The following RPSA variants were observed in gnomAD, a reference collection of about 807,000 sequenced individuals.
RPSA encodes the protein ribosomal protein SA, also known as small ribosomal subunit protein uS2.
For missense variants in RPSA, 140 were observed against 372.8 expected, an observed-to-expected ratio of 0.38 and a Z score of 5.14; for synonymous variants, 103 against 126.7, an observed-to-expected ratio of 0.81 and a Z score of 1.25.
intron 4 of RPSA, 120 bp from the exon 5 acceptor site, chr3:39,411,529 T>A (rs765937566): frequency 9.7e-7 from 1 of 1,035,490 alleles, no homozygotes; most frequent in Non-Finnish European, 1.4e-6. Context: ...CCTGTTACAA[T>A]TGCTTTTCAA....
At chr3:39,412,232 T>C (rs781774019) in intron 6 of RPSA, 42 bp from the exon 7 acceptor site, 3 of 1,496,048 alleles carry the variant, frequency 2.0e-6, no homozygotes, top group Admixed American at 3.4e-5. Flanking sequence ...AATACTACAT[T>C]GAGGACAGAG....
Position 39,410,722 on chromosome 3 carries a change from T to C in RPSA, c.253-32T>C, listed in dbSNP as rs748772624. ...GTGCCAGGATTGTTGCTGTGGAATA[T>C]CGAGTACCACTAACTTTTAAATTCT... On this transcript the variant is annotated intron_variant, in intron 3 of 6. Coordinates refer to ENST00000301821, the MANE Select transcript of RPSA (RefSeq NM_002295.6). 1.9e-5 allele frequency: 31 copies of C among 1,613,732 alleles called. No homozygotes were observed. The South Asian group carries it at 3.4e-4, about 18-fold the overall frequency.
intron 3 of RPSA, chr3:39,410,537 C>A (rs1293309536): frequency 5.2e-6 from 3 of 573,740 alleles, no homozygotes; most frequent in Non-Finnish European, 9.3e-6. Context: ...GGTAGTGTTG[C>A]TAGGTGCTCG....
Position 39,406,764 on chromosome 3 carries a change from G to C in RPSA, c.-34G>C, listed in dbSNP as rs1575253171. 2 of 434,658 alleles carry C rather than the reference G, an allele frequency of 4.6e-6. No homozygotes were observed. The highest frequency in any genetic ancestry group is 7.1e-5 in the East Asian group (1 of 14,086). The allele number at this position is 434,658 out of a possible 1,614,324, so 26.9% of individuals were successfully genotyped here. On this transcript the variant is annotated splice_region_variant and 5_prime_UTR_variant, in exon 1 of 7. Transcript: ENST00000301821. ...GAGGGGTCCATACGGCGTTGTTCTG[G>C]GTGAGTTCCGTGTAGCGTCCCTGGC...
intron 1 of RPSA, 39 bp from the exon 2 acceptor site, chr3:39,407,582 C>T (rs2041938282): frequency 1.0e-5 from 15 of 1,495,230 alleles, no homozygotes; most frequent in Non-Finnish European, 1.4e-5. Flanking sequence ...CTACTTAACT[C>T]AATGGAATGA....
rs759349152 is a variant in RPSA at position 39,408,601 on chromosome 3, C to T, written c.134-5C>T. 2 of 1,491,246 alleles carry T rather than the reference C, an allele frequency of 1.3e-6. No homozygotes were observed. Among genetic ancestry groups the T allele is most frequent in the Non-Finnish European group, 1.9e-6 (2 of 1,067,938 alleles). 92.4% of individuals were successfully genotyped at this position (1,491,246 alleles called of 1,614,324 possible). A position where few individuals can be genotyped will look rare whatever the true frequency, so the allele number is the denominator to read the frequency against. On this transcript the variant is annotated splice_region_variant and splice_polypyrimidine_tract_variant and intron_variant, in intron 2 of 6. Transcript: ENST00000301821. ...AGTGTTACAAATCCTTCTGCCCTCA[C>T]TTAGGCATCTATATCATAAATCTCA... is the stretch of plus-strand genomic sequence containing the variant.
At chr3:39,411,586 G>A in intron 4 of RPSA, 63 bp from the exon 5 acceptor site, 2 of 1,586,196 alleles carry the variant, frequency 1.3e-6, no homozygotes, top group East Asian at 2.2e-5. Flanking sequence ...TAAGAGCCAG[G>A]AAGGTGCTTG....
Position 39,410,915 on chromosome 3 carries a change from T to C in RPSA, c.414T>C (p.Ser138=). The change falls in exon 4 of 7, where the codon TCT becomes TCC. Residue 138 remains serine (S), a synonymous_variant. Transcript: ENST00000301821. The part of the protein sequence containing the change: ...RADHQPLTEA[S]YVNLPTIALC... ...ACCACCAGCCTCTCACGGAGGCATC[T>C]TATGTTAACCTACCTACCATTGCGC... The C allele has an allele frequency of 3.1e-6, 5 of 1,593,322 alleles. No homozygotes were observed. Among genetic ancestry groups the C allele is most frequent in the Non-Finnish European group, 4.3e-6 (5 of 1,174,026 alleles).
chr3:39,407,560 T>C (rs1271529958), intron 1 of RPSA, 61 bp from the exon 2 acceptor site: 1 of 1,294,722 alleles, frequency 7.7e-7, no homozygotes, highest in South Asian at 1.2e-5. Flanking sequence ...TGGTTGCTTT[T>C]AAGGGTGTGC....
intron 3 of RPSA, among the ~76,000 whole-genome samples, chr3:39,409,179 C>T (rs1311330781): frequency 9.6e-5 from 9 of 93,538 alleles, no homozygotes; most frequent in Non-Finnish European, 2.1e-4. Flanking sequence ...TGACCTATGA[C>T]CTTCCTTTTT....
intron 3 of RPSA, among the ~76,000 whole-genome samples, chr3:39,409,529 G>T (rs914793391): frequency 2.0e-5 from 3 of 152,214 alleles, no homozygotes; most frequent in African/African-American, 7.2e-5. Context: ...TACATGCTGG[G>T]CATCTGGCAG....
intron 1 of RPSA, among the ~76,000 whole-genome samples, chr3:39,407,340 A>G (rs1575253963): frequency 6.6e-6 from 1 of 152,276 alleles, no homozygotes; most frequent in South Asian, 2.1e-4. Flanking sequence ...TGGCGCATCC[A>G]CAACTTTTCC....
At chr3:39,407,501 T>A in intron 1 of RPSA, 120 bp from the exon 2 acceptor site, 1 of 780,592 alleles carries the variant, frequency 1.3e-6, no homozygotes, top group Admixed American at 1.7e-5. Flanking sequence ...CTGTTTACCC[T>A]TCACTACACT....
At chr3:39,407,047 TC>T (rs1003155004) in intron 1 of RPSA, 56 of 454,748 alleles carry the variant, frequency 1.2e-4, no homozygotes, top group Admixed American at 6.1e-4. Flanking sequence ...CGGGCTAACA[TC>T]CTGTGTTGCT....
At chr3:39,410,694 T>A in intron 3 of RPSA, 60 bp from the exon 4 acceptor site, 8 of 1,610,600 alleles carry the variant, frequency 5.0e-6, no homozygotes, top group Non-Finnish European at 6.8e-6. Flanking sequence ...AAGTGCTTAC[T>A]GGGTGCCAGG....
intron 3 of RPSA, 54 bp downstream of exon 3, chr3:39,408,778 T>G: frequency 9.8e-7 from 1 of 1,022,224 alleles, no homozygotes; most frequent in Admixed American, 1.7e-5. Flanking sequence ...TTACAGACAT[T>G]GTGAGACATA....
intron 5 of RPSA, 43 bp from the exon 6 acceptor site, chr3:39,411,853 G>T: frequency 4.4e-6 from 7 of 1,599,516 alleles, no homozygotes; most frequent in Non-Finnish European, 5.9e-6. Flanking sequence ...AGCAAAACTT[G>T]TCAGTCCCTG....
At chr3:39,408,913 C>T in intron 3 of RPSA, 189 bp downstream of exon 3, 1 of 540,876 alleles carries the variant, frequency 1.8e-6, no homozygotes. Flanking sequence ...GGTGAAGCCC[C>T]ATCTCTACTA....
At chr3:39,411,324 A>G in intron 4 of RPSA, 2 of 615,892 alleles carry the variant, frequency 3.2e-6, no homozygotes, top group Non-Finnish European at 3.0e-6. Context: ...TTGTTTTCAC[A>G]CCAACTTGAT....
Sources: gnomAD v4.1 joint callset for allele counts (sites outside exome capture counted in the v4.1 genomes callset) on GRCh38, gnomAD v4.1.1 for gene constraint, MANE v1.5 for transcripts, NCBI Gene and HGNC (gene_info 2026-07-23, HGNC 2026-07-21) for gene names.